The following DNAJA4 variants were observed in gnomAD, a reference collection of about 807,000 sequenced individuals.
The protein encoded by DNAJA4 is DnaJ heat shock protein family (Hsp40) member A4.
In DNAJA4, 32 loss-of-function variants were observed where a neutral mutation model predicts 39.7. The ratio of observed to expected loss-of-function variants is 0.81; its 90% CI spans 0.61 to 1.08. The LOEUF (loss-of-function observed/expected upper bound fraction) is 1.08. Ranked by LOEUF, DNAJA4 falls within the 50% of genes least tolerant of loss-of-function variation. The pLI, the probability that DNAJA4 is intolerant of heterozygous loss-of-function variation, is 0.00. For missense variants in DNAJA4, 439 were observed against 505.1 expected, an observed-to-expected ratio of 0.87 and a Z score of 1.25; for synonymous variants, 184 against 182.4, an observed-to-expected ratio of 1.01 and a Z score of -0.07.
At chr15:78,273,537 A>G (rs994986815) in intron 3 of DNAJA4, among the ~76,000 whole-genome samples, 1 of 152,206 alleles carries the variant, frequency 6.6e-6, no homozygotes, top group Non-Finnish European at 1.5e-5. Flanking sequence ...CAGACACTTG[A>G]CCTCATCTAG....
chr15:78,267,412 G>A (rs1359148744), intron 1 of DNAJA4, among the ~76,000 whole-genome samples: 1 of 151,992 alleles, frequency 6.6e-6, no homozygotes, highest in African/African-American at 2.4e-5. Flanking sequence ...TAAGCATTGG[G>A]GCACCTTGTG....
At chr15:78,267,330 C>A (rs568113814) in intron 1 of DNAJA4, among the ~76,000 whole-genome samples, 1 of 152,298 alleles carries the variant, frequency 6.6e-6, no homozygotes, top group African/African-American at 2.4e-5. Flanking sequence ...CAGTTCTTTA[C>A]CCCTTGCTGG....
Position 78,274,320 on chromosome 15 carries a change from G to A in DNAJA4, c.542G>A (p.Cys181Tyr). 1 of 1,614,222 alleles carries A rather than the reference G, an allele frequency of 6.2e-7. No individual in the cohort carries two copies. Among genetic ancestry groups the A allele is most frequent in the Non-Finnish European group, 8.5e-7 (1 of 1,180,040 alleles). Reference sequence around the variant, plus strand: ...CAGATCCAGACCGTGTGCATCGAGTGCAAGGGCCAGGGTGAGCGCATCAAC... The same window carrying A: ...CAGATCCAGACCGTGTGCATCGAGTACAAGGGCCAGGGTGAGCGCATCAAC... ...VQQIQTVCIE[C>Y]KGQGERINPK... The change falls in exon 4 of 7, where the codon TGC becomes TAC. Residue 181 changes from cysteine to tyrosine, a missense_variant. Physicochemically the swap from Cys to Tyr is radical, Grantham distance 194 (BLOSUM62 -2). Coordinates refer to ENST00000394852, the MANE Select transcript of DNAJA4 (RefSeq NM_001130182.2).
chr15:78,273,136 C>G lies in DNAJA4; in HGVS notation c.355C>G (p.Leu119Val), dbSNP rs7163689. The G allele has an allele frequency of 2.5e-6, 4 of 1,603,014 alleles. No homozygotes were observed. The Admixed American group carries it at 6.7e-5, about 27-fold the overall frequency. The change falls in exon 3 of 7, where the codon CTA (leucine) becomes GTA (valine). Residue 119 changes from leucine (L) to valine (V), a missense_variant. Leu to Val is a conservative substitution (Grantham distance 32). Coordinates refer to ENST00000394852, the MANE Select transcript of DNAJA4 (RefSeq NM_001130182.2). ...CCAGTTATCTGTAACTCTTGAAGATCTATATAATGGAGTCACGAAGAAATT... is the reference window on the plus strand; with the variant it reads ...CCAGTTATCTGTAACTCTTGAAGATGTATATAATGGAGTCACGAAGAAATT... The part of the protein sequence containing the change: ...VHQLSVTLED[L>V]YNGVTKKLAL...
In DNAJA4 at chr15:78,280,050, G is replaced by C; in HGVS notation, c.883G>C (p.Val295Leu). The change falls in exon 6 of 7, where the codon GTG becomes CTG. Residue 295 changes from valine (V) to leucine (L), a missense_variant. Coordinates refer to ENST00000394852, the MANE Select transcript of DNAJA4 (RefSeq NM_001130182.2). ...ILVITSKAGE[V>L]IKHGDLRCVR... ...ATTGACCCTTTCTCTGGCAGGTGAG[G>C]TGATAAAGCACGGGGACCTGAGATG... 6.2e-7 allele frequency: 1 copy of C among 1,614,170 alleles called. No individual in the cohort carries two copies. The highest frequency in any genetic ancestry group is 8.5e-7 in the Non-Finnish European group (1 of 1,180,018).
chr15:78,270,432 G>A lies in DNAJA4; in HGVS notation c.133-65G>A, dbSNP rs1007256701. On this transcript the variant is annotated intron_variant, in intron 1 of 6. Coordinates refer to ENST00000394852, the MANE Select transcript of DNAJA4 (RefSeq NM_001130182.2). ...CCTCTATTACTTTGTATGTTTATAT[G>A]GCAGGTTTGCTTAACAAAACAACTG... is the stretch of plus-strand genomic sequence containing the variant. 2.1e-4 allele frequency: 317 copies of A among 1,523,686 alleles called. 5 individuals are homozygous for A. The highest frequency in any genetic ancestry group is 2.1e-4 in the Non-Finnish European group (232 of 1,119,168). 94.4% of individuals were successfully genotyped at this position (1,523,686 alleles called of 1,614,324 possible). A position where few individuals can be genotyped will look rare whatever the true frequency, so the allele number is the denominator to read the frequency against.
chr15:78,267,205 AGT>A (rs2049162357), intron 1 of DNAJA4, among the ~76,000 whole-genome samples: 1 of 150,330 alleles, frequency 6.7e-6, no homozygotes, highest in African/African-American at 2.5e-5. Context: ...TGTGTATGTG[AGT>A]GTGTATGTGT....
Position 78,264,573 on chromosome 15 carries a change from G to A in DNAJA4, c.-191G>A, listed in dbSNP as rs970454438. 5.9e-6 allele frequency: 7 copies of A among 1,190,132 alleles called. No homozygotes were observed. The South Asian group carries it at 1.2e-4, about 21-fold the overall frequency. The allele number at this position is 1,190,132 out of a possible 1,614,324, so 73.7% of individuals were successfully genotyped here. A position where few individuals can be genotyped will look rare whatever the true frequency, so the allele number is the denominator to read the frequency against. Reference sequence around the variant, plus strand: ...GAGCCGGTGGCTCTAGTGCGGTGGAGCCAGGCGTGGAAGTCGGTCCGGCGC... The same window carrying A: ...GAGCCGGTGGCTCTAGTGCGGTGGAACCAGGCGTGGAAGTCGGTCCGGCGC... On this transcript the variant is annotated 5_prime_UTR_variant, in exon 1 of 7. Transcript: ENST00000394852.
At chr15:78,272,414 GC>G (rs1250680457) in intron 2 of DNAJA4, among the ~76,000 whole-genome samples, 1 of 152,160 alleles carries the variant, frequency 6.6e-6, no homozygotes, top group Non-Finnish European at 1.5e-5. Flanking sequence ...AAAACTTCAT[GC>G]CCTTAATTAA....
intron 2 of DNAJA4, among the ~76,000 whole-genome samples, chr15:78,271,002 A>G (rs553632702): frequency 9.4e-4 from 143 of 152,306 alleles, no homozygotes; most frequent in Non-Finnish European, 1.6e-3. Context: ...CAGGAAGTCG[A>G]GGCTGCAGTG....
At chr15:78,278,890 C>T (rs1333359186) in intron 5 of DNAJA4, among the ~76,000 whole-genome samples, 9 of 138,502 alleles carry the variant, frequency 6.5e-5, no homozygotes, top group African/African-American at 2.5e-4. Flanking sequence ...AACCTGGTCT[C>T]GAACTCCTGA....
Position 78,264,707 on chromosome 15 carries a change from G to C in DNAJA4, c.-57G>C, listed in dbSNP as rs1595920748. 1 of 1,361,738 alleles carries C rather than the reference G, an allele frequency of 7.3e-7. No individual in the cohort carries two copies. The allele number at this position is 1,361,738 out of a possible 1,614,324, so 84.4% of individuals were successfully genotyped here. ...GGCCAGGGGCGCGGGCCAGGGTGCC[G>C]GCAGGGGCGTCCGGGGCGCTCTGAC... On this transcript the variant is annotated 5_prime_UTR_variant, in exon 1 of 7. Coordinates refer to ENST00000394852, the MANE Select transcript of DNAJA4 (RefSeq NM_001130182.2).
chr15:78,265,422 T>C, intron 1 of DNAJA4: 1 of 699,368 alleles, frequency 1.4e-6, no homozygotes, highest in South Asian at 1.5e-5. Context: ...TCTGTGCACC[T>C]ACTGCCTACC....
Position 78,280,869 on chromosome 15 carries a change from T to A in DNAJA4, c.*409T>A, listed in dbSNP as rs1361860416. The A allele has an allele frequency of 5.9e-6, 1 of 169,178 alleles. No individual in the cohort carries two copies. The highest frequency in any genetic ancestry group is 1.3e-5 in the Non-Finnish European group (1 of 78,466). 10.5% of individuals were successfully genotyped at this position (169,178 alleles called of 1,614,324 possible). ...GTGGGCATCCTGACTCATCTCTAGG[T>A]CTGTGGTTTCTCCCCTCTTCCCTTG... On this transcript the variant is annotated 3_prime_UTR_variant, in exon 7 of 7. Transcript: ENST00000394852.
chr15:78,275,827 A>G (rs985208054), intron 5 of DNAJA4, 99 bp downstream of exon 5: 21 of 816,672 alleles, frequency 2.6e-5, no homozygotes, highest in African/African-American at 2.2e-4. Context: ...AATATTTTAC[A>G]TATTGATGGG....
In DNAJA4 at chr15:78,270,653, G is replaced by A; in HGVS notation, c.289G>A (p.Gly97Arg). ...DIFDMFFGGG[G>R]RMARERRGKN... ...CTTTGACATGTTCTTTGGTGGTGGT[G>A]GACGGATGGCTAGAGAGAGAAGAGG... Residue 97 changes from glycine to arginine, a missense_variant, in exon 2 of 7, where the codon GGA becomes AGA. Physicochemically the swap from Gly to Arg is moderately radical, Grantham distance 125 (BLOSUM62 -2). Coordinates refer to ENST00000394852, the MANE Select transcript of DNAJA4 (RefSeq NM_001130182.2). 6.2e-7 allele frequency: 1 copy of A among 1,613,918 alleles called. No individual in the cohort carries two copies. Among genetic ancestry groups the A allele is most frequent in the Middle Eastern group, 1.6e-4 (1 of 6,062 alleles).
chr15:78,281,012 C>G lies in DNAJA4; in HGVS notation c.*552C>G, dbSNP rs1357777498. The G allele has an allele frequency of 1.3e-5, 2 of 154,980 alleles. No homozygotes were observed. The highest frequency in any genetic ancestry group is 4.8e-5 in the African/African-American group (2 of 41,462). 9.6% of individuals were successfully genotyped at this position (154,980 alleles called of 1,614,324 possible). ...GATCGGACATGGCTGCATGTGCCTG[C>G]TTAACAGGGCCAACTTAGTTCCTAC... On this transcript the variant is annotated 3_prime_UTR_variant, in exon 7 of 7. Transcript: ENST00000394852.
rs1420341309 is a variant in DNAJA4, at chr15:78,264,894, A to C, written c.131A>C (p.Lys44Thr). 3.1e-6 allele frequency: 5 copies of C among 1,589,184 alleles called. No individual in the cohort carries two copies. Among genetic ancestry groups the C allele is most frequent in the East Asian group, 4.6e-5 (2 of 43,312 alleles). Residue 44 changes from lysine (K) to threonine (T), a missense_variant and splice_region_variant, in exon 1 of 7, where the codon AAG becomes ACG. Coordinates refer to ENST00000394852, the MANE Select transcript of DNAJA4 (RefSeq NM_001130182.2). ...HPDKNPDEGEKFKLISQAYEV... is the reference protein window; with the variant it reads ...HPDKNPDEGETFKLISQAYEV... ...GACAAGAACCCGGATGAGGGCGAGAAGGTGCGGGGCGGCGCGGGGCACGGG... is the reference window on the plus strand; with the variant it reads ...GACAAGAACCCGGATGAGGGCGAGACGGTGCGGGGCGGCGCGGGGCACGGG...
At chr15:78,264,285 G>A (rs2049053013), upstream of DNAJA4, 2 of 1,362,952 alleles carry the variant, frequency 1.5e-6, no homozygotes, top group Non-Finnish European at 1.9e-6. Context: ...GCGCCCTCCA[G>A]GCCCAAGCCG....
Sources: gnomAD v4.1 joint callset for allele counts (sites outside exome capture counted in the v4.1 genomes callset) on GRCh38, gnomAD v4.1.1 for gene constraint, MANE v1.5 for transcripts, NCBI Gene and HGNC (gene_info 2026-07-23, HGNC 2026-07-21) for gene names.